PTER: variants seen among roughly 807,000 people sequenced by gnomAD.
PTER encodes the protein phosphotriesterase related, also known as N-acetyltaurine hydrolase.
A neutral mutation model predicts 29.6 loss-of-function variants in PTER; 38 were observed. The observed-to-expected ratio is 1.28, with a 90% CI of 0.99 to 1.68. The LOEUF (loss-of-function observed/expected upper bound fraction) is 1.68. PTER is among the 40% of genes most tolerant of loss of function. The pLI, the probability that PTER is intolerant of heterozygous loss-of-function variation, is 0.00. For synonymous variants in PTER, 172 were observed against 154.5 expected, an observed-to-expected ratio of 1.11 and a Z score of -0.84; for missense variants, 482 against 427.8, an observed-to-expected ratio of 1.13 and a Z score of -1.12.
At chr10:16,470,002 C>T (rs538213291) in intron 1 of PTER, among the ~76,000 whole-genome samples, 29 of 152,000 alleles carry the variant, frequency 1.9e-4, no homozygotes, top group African/African-American at 2.2e-4. Context: ...CTGGGCTTGG[C>T]ACATGGTAAT....
At chr10:16,471,370 C>T (rs981546798) in intron 1 of PTER, among the ~76,000 whole-genome samples, 10 of 152,118 alleles carry the variant, frequency 6.6e-5, no homozygotes, top group African/African-American at 2.4e-4. Context: ...TGGATTTACA[C>T]TAGTAACATT....
At chr10:16,496,127 C>T (rs116436448) in intron 3 of PTER, among the ~76,000 whole-genome samples, 1,746 of 152,300 alleles carry the variant, frequency 0.011, 38 homozygotes, top group African/African-American at 0.04. Context: ...CTCCTGTCCA[C>T]TCCTCTGGTG....
rs1337976269 is a variant in PTER at position 16,513,469 on chromosome 10, A to C, written c.*2213A>C. ...CATCTAATATATATATGTGTGTGTG[A>C]GTATATGTGTGCATGTTTAGCAGAT... On this transcript the variant is annotated 3_prime_UTR_variant, in exon 5 of 5. Transcript: ENST00000535784. 2.8e-5 allele frequency: 4 copies of C among 140,832 alleles called. No homozygotes were observed. Among genetic ancestry groups the C allele is most frequent in the Non-Finnish European group, 6.3e-5 (4 of 63,426 alleles). The allele number at this position is 140,832 out of a possible 1,614,324, so 8.7% of individuals were successfully genotyped here. A position where few individuals can be genotyped will look rare whatever the true frequency, so the allele number is the denominator to read the frequency against.
At chr10:16,470,565 C>G (rs1282380911) in intron 1 of PTER, among the ~76,000 whole-genome samples, 3 of 152,118 alleles carry the variant, frequency 2.0e-5, no homozygotes, top group African/African-American at 7.2e-5. Context: ...GTCAGGAGTT[C>G]AAGACCAGCC....
chr10:16,457,275 C>G (rs1164243372), intron 1 of PTER, among the ~76,000 whole-genome samples: 6 of 148,174 alleles, frequency 4.0e-5, no homozygotes, highest in Non-Finnish European at 7.5e-5. Flanking sequence ...TGCAGTGGCG[C>G]GATCTCGGCT....
In PTER at chr10:16,503,526, T is replaced by C. The variant is rs1836444012; in HGVS notation, c.699-1494T>C. 3.3e-5 allele frequency among the ~76,000 whole-genome samples: 5 copies of C among 152,168 alleles called. No homozygotes were observed. In the South Asian group the frequency reaches 1.0e-3, roughly 32 times the overall value. On this transcript the variant is annotated intron_variant, in intron 3 of 4. Transcript: ENST00000535784. Reference sequence around the variant, plus strand: ...TTCAAGCAATTCTCTTGCCTCAGCCTCCCAAGTAGCTGGGATTACAGGCAC... The same window carrying C: ...TTCAAGCAATTCTCTTGCCTCAGCCCCCCAAGTAGCTGGGATTACAGGCAC...
chr10:16,464,183 T>A, intron 1 of PTER, among the ~76,000 whole-genome samples: 1 of 152,128 alleles, frequency 6.6e-6, no homozygotes, highest in African/African-American at 2.4e-5. Context: ...AAGCTGAGGG[T>A]TTAATATAGT....
At chr10:16,515,999 C>T (rs1443615454), downstream of PTER, among the ~76,000 whole-genome samples, 1 of 151,952 alleles carries the variant, frequency 6.6e-6, no homozygotes, top group Non-Finnish European at 1.5e-5. Flanking sequence ...ATGAGTTTTC[C>T]AATTAAATTT....
rs527944440 is a variant in PTER, at chr10:16,505,660, T to C, written c.839+500T>C. 1.2e-3 allele frequency among the ~76,000 whole-genome samples: 185 copies of C among 152,314 alleles called. 1 individual carries two copies. The highest frequency in any genetic ancestry group is 4.2e-3 in the African/African-American group (176 of 41,556). Reference sequence around the variant, plus strand: ...AAATGAATGCAACCTTCCAAAACTGTATAATGTGTGATGCTGGCAGATAAT... The same window carrying C: ...AAATGAATGCAACCTTCCAAAACTGCATAATGTGTGATGCTGGCAGATAAT... On this transcript the variant is annotated intron_variant, in intron 4 of 4. Coordinates refer to ENST00000535784, the MANE Select transcript of PTER (RefSeq NM_001261836.2).
intron 3 of PTER, among the ~76,000 whole-genome samples, chr10:16,500,251 G>T (rs1836282702): frequency 6.6e-6 from 1 of 150,592 alleles, no homozygotes; most frequent in African/African-American, 2.5e-5. Flanking sequence ...TTGAGACAAG[G>T]TCTCACTCTG....
intron 1 of PTER, among the ~76,000 whole-genome samples, chr10:16,470,373 G>A (rs1031206862): frequency 2.6e-5 from 4 of 152,178 alleles, no homozygotes; most frequent in Admixed American, 6.5e-5. Context: ...GACCTTACCT[G>A]CCTCGAATAA....
In PTER at chr10:16,512,762, A is replaced by C. The variant is rs566123344; in HGVS notation, c.*1506A>C. The C allele has an allele frequency of 6.6e-5, 10 of 152,646 alleles. No homozygotes were observed. The South Asian group carries it at 2.1e-3, about 32-fold the overall frequency. 9.5% of individuals were successfully genotyped at this position (152,646 alleles called of 1,614,324 possible). The stretch of plus-strand genomic sequence containing the variant: ...AATGTCCTTCACCAGTAAAGCAAGC[A>C]AATTTTTAAAATCTCTGTTTTTGAA... On this transcript the variant is annotated 3_prime_UTR_variant, in exon 5 of 5. Coordinates refer to ENST00000535784, the MANE Select transcript of PTER (RefSeq NM_001261836.2).
chr10:16,491,586 CA>C (rs1431437581), intron 3 of PTER, among the ~76,000 whole-genome samples: 3 of 152,144 alleles, frequency 2.0e-5, no homozygotes, highest in African/African-American at 7.2e-5. Flanking sequence ...ATCCCCAAAA[CA>C]AGGCCTCCAA....
intron 3 of PTER, among the ~76,000 whole-genome samples, chr10:16,500,263 C>CACCCAGGCTGGAGTGCAGCAGTGCG (rs879320094): frequency 4.0e-5 from 6 of 151,270 alleles, no homozygotes; most frequent in East Asian, 3.9e-4. Flanking sequence ...CTCACTCTGT[C>CACCCAGGCTGGAGTGCAGCAGTGCG]ACCCAGGCTG....
chr10:16,438,560 C>T (rs1345021396), intron 1 of PTER, among the ~76,000 whole-genome samples: 2 of 150,590 alleles, frequency 1.3e-5, no homozygotes, highest in Non-Finnish European at 3.0e-5. Flanking sequence ...CTGGCTGCCT[C>T]GGCCTCCCAA....
chr10:16,475,087 C>G (rs1185915762), intron 1 of PTER, among the ~76,000 whole-genome samples: 6 of 152,028 alleles, frequency 3.9e-5, no homozygotes, highest in African/African-American at 7.3e-5. Flanking sequence ...ATTTATGAAG[C>G]CTTTACCTTC....
rs1376786601 is a variant in PTER, at chr10:16,484,754, G to A, written c.370G>A (p.Gly124Arg). The change falls in exon 2 of 5, where the codon GGA becomes AGA. Residue 124 changes from glycine (G) to arginine (R), a missense_variant. Gly to Arg is a moderately radical substitution (Grantham distance 125). Coordinates refer to ENST00000535784, the MANE Select transcript of PTER (RefSeq NM_001261836.2). ...AGAGACTGGCGTCCATATCATATCTGGAGCCGGGTTTTATGTGGATGCAAC... is the reference window on the plus strand; with the variant it reads ...AGAGACTGGCGTCCATATCATATCTAGAGCCGGGTTTTATGTGGATGCAAC... ...AEETGVHIIS[G>R]AGFYVDATHS... 32 of 1,613,718 alleles carry A rather than the reference G, an allele frequency of 2.0e-5. No homozygotes were observed. In the East Asian group the frequency reaches 7.1e-4, roughly 36 times the overall value.
intron 4 of PTER, among the ~76,000 whole-genome samples, chr10:16,506,959 T>C (rs1836596180): frequency 6.6e-6 from 1 of 151,778 alleles, no homozygotes; most frequent in African/African-American, 2.4e-5. Context: ...AAAGCAAAAC[T>C]GTTTTGCGTT....
At chr10:16,489,229 A>G (rs1835809780) in intron 3 of PTER, among the ~76,000 whole-genome samples, 1 of 152,174 alleles carries the variant, frequency 6.6e-6, no homozygotes, top group South Asian at 2.1e-4. Flanking sequence ...TATAATGTTG[A>G]GAACTACATG....
Sources: allele counts gnomAD v4.1 joint callset (sites outside exome capture counted in the v4.1 genomes callset), GRCh38; gene constraint gnomAD v4.1.1; transcripts MANE v1.5; gene names NCBI Gene and HGNC (gene_info 2026-07-23, HGNC 2026-07-21).